The following SPIRE1 variants were observed in gnomAD, a reference collection of about 807,000 sequenced individuals.
SPIRE1 encodes protein spire homolog 1.
In SPIRE1, 40 loss-of-function variants were observed where a neutral mutation model predicts 94.1. The ratio of observed to expected loss-of-function variants is 0.43; its 90% CI spans 0.33 to 0.55. The LOEUF (loss-of-function observed/expected upper bound fraction) is 0.55. Among genes scored for constraint, SPIRE1 ranks in the 20% least tolerant of loss-of-function variants. The pLI, the probability that SPIRE1 is intolerant of heterozygous loss-of-function variation, is 0.06. For missense variants in SPIRE1, 838 were observed against 975.2 expected, an observed-to-expected ratio of 0.86 and a Z score of 1.87; for synonymous variants, 376 against 371.7, an observed-to-expected ratio of 1.01 and a Z score of -0.13.
intron 4 of SPIRE1, among the ~76,000 whole-genome samples, chr18:12,517,796 A>G (rs906575252): frequency 1.3e-5 from 2 of 152,228 alleles, no homozygotes; most frequent in African/African-American, 4.8e-5. Context: ...GTTCAACATC[A>G]GCTCACATAT....
At chr18:12,500,829 C>T (rs566210) in intron 6 of SPIRE1, among the ~76,000 whole-genome samples, 123,243 of 151,978 alleles carry the variant, frequency 0.81, 50,094 homozygotes, top group Middle Eastern at 0.91. Flanking sequence ...TCCCAGCACT[C>T]TGGGAGGCCA....
chr18:12,594,903 A>G (rs2144606469), intron 2 of SPIRE1, among the ~76,000 whole-genome samples: 1 of 152,336 alleles, frequency 6.6e-6, no homozygotes, highest in Admixed American at 6.5e-5. Context: ...GACCATTATG[A>G]TGATCAATCT....
chr18:12,656,825 C>A, intron 1 of SPIRE1: 1 of 246,730 alleles, frequency 4.1e-6, no homozygotes, highest in South Asian at 1.5e-4. Flanking sequence ...CTTTGTATCC[C>A]GACATCCTGT....
chr18:12,648,189 C>T (rs953002277), intron 1 of SPIRE1, among the ~76,000 whole-genome samples: 35 of 152,294 alleles, frequency 2.3e-4, no homozygotes, highest in African/African-American at 7.9e-4. Context: ...GTTTAATTAC[C>T]TGGCCCTATC....
chr18:12,539,732 C>T (rs1316854638), intron 3 of SPIRE1, among the ~76,000 whole-genome samples: 1 of 151,702 alleles, frequency 6.6e-6, no homozygotes, highest in Non-Finnish European at 1.5e-5. Flanking sequence ...TGAGACCAGC[C>T]TGACCAACAT....
intron 10 of SPIRE1, among the ~76,000 whole-genome samples, chr18:12,478,175 C>T (rs2032679425): frequency 6.6e-6 from 1 of 151,758 alleles, no homozygotes; most frequent in Non-Finnish European, 1.5e-5. Flanking sequence ...AGAATAATTC[C>T]TCAGATTCTA....
At chr18:12,461,552 TAC>T (rs2031845695) in intron 12 of SPIRE1, among the ~76,000 whole-genome samples, 3 of 145,752 alleles carry the variant, frequency 2.1e-5, no homozygotes, top group Admixed American at 1.4e-4. Context: ...TGTATATACA[TAC>T]ATGCGTGTAT....
chr18:12,493,692 C>A (rs1268916649), intron 7 of SPIRE1, among the ~76,000 whole-genome samples: 2 of 152,202 alleles, frequency 1.3e-5, no homozygotes, highest in East Asian at 3.9e-4. Context: ...CAGGCATGAG[C>A]CGCTGCACCT....
Position 12,549,439 on chromosome 18 carries a change from G to GTTTTTTTTTTTT in SPIRE1, c.373-2547_373-2536dup, listed in dbSNP as rs869122444. Among the ~76,000 whole-genome samples the GTTTTTTTTTTTT allele has an allele frequency of 8.2e-4, 34 of 41,258 alleles. 7 individuals carry two copies. Among genetic ancestry groups the GTTTTTTTTTTTT allele is most frequent in the South Asian group, 1.7e-3 (1 of 594 alleles). 27.1% of individuals were successfully genotyped at this position (41,258 alleles called of 152,430 possible). A position where few individuals can be genotyped will look rare whatever the true frequency, so the allele number is the denominator to read the frequency against. On this transcript the variant is annotated intron_variant, in intron 2 of 16. Transcript: ENST00000409402. ...CTTTTTGTTTGTTTTTGTTATTGTT[G>GTTTTTTTTTTTT]TTTTTTTTTTTTTTTTTTTTTTTTT... is the stretch of plus-strand genomic sequence containing the variant.
intron 1 of SPIRE1, among the ~76,000 whole-genome samples, chr18:12,642,259 C>G (rs945486720): frequency 1.3e-5 from 2 of 152,206 alleles, no homozygotes; most frequent in Non-Finnish European, 2.9e-5. Context: ...CCCACAGACT[C>G]TGCCCCAAGC....
intron 2 of SPIRE1, among the ~76,000 whole-genome samples, chr18:12,600,551 T>C (rs2036803799): frequency 6.6e-6 from 1 of 152,194 alleles, no homozygotes; most frequent in African/African-American, 2.4e-5. Context: ...AGTCAGCTAA[T>C]ACTATGATGG....
intron 6 of SPIRE1, 90 bp downstream of exon 6, chr18:12,506,387 G>T: frequency 8.9e-7 from 1 of 1,123,706 alleles, no homozygotes; most frequent in South Asian, 1.4e-5. Context: ...TTGAACTCCT[G>T]ACCTCAGATG....
intron 1 of SPIRE1, among the ~76,000 whole-genome samples, chr18:12,642,249 C>T (rs915327310): frequency 1.3e-5 from 2 of 152,182 alleles, no homozygotes; most frequent in African/African-American, 2.4e-5. Flanking sequence ...CTGACCCCCA[C>T]CCACAGACTC....
rs1334919758 is a variant in SPIRE1, at chr18:12,590,755, T to C, written c.373-43851A>G. Among the ~76,000 whole-genome samples the C allele has an allele frequency of 2.0e-5, 3 of 152,128 alleles. No homozygotes were observed. The East Asian group carries it at 5.8e-4, about 29-fold the overall frequency. ...CACTCTCAAGCGGGGGCAGGAGCGC[T>C]ACAGGCCCCTGGGCAAGAAGGTTGG... On this transcript the variant is annotated intron_variant, in intron 2 of 16. Coordinates refer to ENST00000409402, the MANE Select transcript of SPIRE1 (RefSeq NM_001128626.2).
At chr18:12,574,445 A>G (rs1260532591) in intron 2 of SPIRE1, among the ~76,000 whole-genome samples, 1 of 152,198 alleles carries the variant, frequency 6.6e-6, no homozygotes, top group Non-Finnish European at 1.5e-5. Flanking sequence ...TTCACAATGC[A>G]TTAAATGTAG....
At chr18:12,612,226 C>G (rs1000289052) in intron 2 of SPIRE1, among the ~76,000 whole-genome samples, 4 of 152,216 alleles carry the variant, frequency 2.6e-5, no homozygotes, top group African/African-American at 9.6e-5. Context: ...TTGATCACTT[C>G]TTCCTCCATG....
intron 2 of SPIRE1, among the ~76,000 whole-genome samples, chr18:12,604,477 T>C (rs181103000): frequency 4.9e-4 from 74 of 152,230 alleles, no homozygotes; most frequent in Admixed American, 7.8e-4. Flanking sequence ...AGAGGAAAGT[T>C]CTGTATTTTT....
At chr18:12,572,101 C>T (rs1322563219) in intron 2 of SPIRE1, among the ~76,000 whole-genome samples, 1 of 151,956 alleles carries the variant, frequency 6.6e-6, no homozygotes, top group African/African-American at 2.4e-5. Flanking sequence ...TATGAGGGAC[C>T]AGAGGTCAAG....
intron 2 of SPIRE1, among the ~76,000 whole-genome samples, chr18:12,560,492 C>G (rs1009339174): frequency 1.3e-5 from 2 of 152,148 alleles, no homozygotes; most frequent in African/African-American, 4.8e-5. Context: ...CACAGAAAGA[C>G]AAACTTCACA....
Sources: gnomAD v4.1 joint callset for allele counts (sites outside exome capture counted in the v4.1 genomes callset) on GRCh38, gnomAD v4.1.1 for gene constraint, MANE v1.5 for transcripts, NCBI Gene and HGNC (gene_info 2026-07-23, HGNC 2026-07-21) for gene names.